Variants in MYO16 observed in about 807,000 individuals in gnomAD.
MYO16 encodes unconventional myosin-XVI.
In MYO16, 94 loss-of-function variants were observed where a neutral mutation model predicts 205.3. The observed-to-expected ratio is 0.46, with a 90% confidence interval of 0.39 to 0.54. MYO16 has a LOEUF of 0.54. MYO16 is among the 20% of genes least tolerant of loss of function. MYO16 has a pLI of 0.00. For missense variants in MYO16, 2,315 were observed against 2,387.5 expected (o/e 0.97, Z 0.63); for synonymous variants, 988 against 954.0 (o/e 1.04, Z -0.66).
At position 109,140,547 on chromosome 13, in the gene MYO16, T is replaced by C; in HGVS notation, c.4335T>C (p.Asp1445=). Residue 1445 remains aspartate (D), a synonymous_variant, in exon 32 of 35, where the codon GAT becomes GAC. Coordinates refer to ENST00000457511, the MANE Select transcript of MYO16 (RefSeq NM_001198950.3). The surrounding 1 kb of genome is among the most constrained non-coding windows in gnomAD (Gnocchi z 8.0). ...TGCTGGGGCACGCGGCCAGGCCCGATAGCCCGGACCCCGGGGAGTCCGTGT... is the reference window on the plus strand; with the variant it reads ...TGCTGGGGCACGCGGCCAGGCCCGACAGCCCGGACCCCGGGGAGTCCGTGT... The part of the protein sequence containing the change: ...IEMLGHAARP[D]SPDPGESVYE... 6.5e-7 allele frequency: 1 copy of C among 1,546,268 alleles called. No homozygotes were observed. Among genetic ancestry groups the C allele is most frequent in the East Asian group, 2.4e-5 (1 of 41,372 alleles).
At chr13:109,030,365 A>T (rs1182114988) in intron 23 of MYO16, among the ~76,000 whole-genome samples, 1 of 152,176 alleles carries the variant, frequency 6.6e-6, no homozygotes, top group African/African-American at 2.4e-5. Context: ...GCTGCAAATG[A>T]TCACTTATTT....
At chr13:108,945,949 C>G (rs1227897479) in intron 16 of MYO16, among the ~76,000 whole-genome samples, 1 of 152,066 alleles carries the variant, frequency 6.6e-6, no homozygotes, top group Admixed American at 6.5e-5. Flanking sequence ...AGCATGCTTC[C>G]CCCATGATAT....
chr13:108,755,945 G>A (rs1261455388), intron 4 of MYO16, among the ~76,000 whole-genome samples: 1 of 152,124 alleles, frequency 6.6e-6, no homozygotes, highest in Non-Finnish European at 1.5e-5. Context: ...ACATTTTGAA[G>A]TGCTTCCGTT....
At chr13:108,794,797 A>G (rs9301321) in intron 6 of MYO16, among the ~76,000 whole-genome samples, 67,994 of 151,852 alleles carry the variant, frequency 0.45, 15,418 homozygotes, top group Non-Finnish European at 0.48. Context: ...CTAGAATAGG[A>G]GAAGGGAATT....
intron 17 of MYO16, among the ~76,000 whole-genome samples, chr13:108,960,479 G>T (rs1384853909): frequency 1.3e-5 from 2 of 151,964 alleles, no homozygotes; most frequent in Non-Finnish European, 2.9e-5. Context: ...TCTTTTCAAT[G>T]CTCTCACTTT....
chr13:109,096,457 G>A (rs896995375), intron 27 of MYO16, among the ~76,000 whole-genome samples: 1 of 152,136 alleles, frequency 6.6e-6, no homozygotes, highest in African/African-American at 2.4e-5. Flanking sequence ...CTTTGGCGGG[G>A]GGACACAGTT....
intron 16 of MYO16, among the ~76,000 whole-genome samples, chr13:108,923,540 G>A (rs1284784819): frequency 6.6e-6 from 1 of 152,164 alleles, no homozygotes; most frequent in Non-Finnish European, 1.5e-5. Context: ...GAAAGGAGAG[G>A]GAACACCAGC....
rs550469198 is a variant in MYO16, at chr13:108,734,371, A to T, written c.507+6788A>T. 2.6e-5 allele frequency among the ~76,000 whole-genome samples: 4 copies of T among 152,282 alleles called. No homozygotes were observed. The East Asian group carries it at 5.8e-4, about 22-fold the overall frequency. ...TCCCTTCTTCTCTAGAAAAATTGAT[A>T]TCGCTTCCTCACAATTTCAGCAAGA... On this transcript the variant is annotated intron_variant, in intron 4 of 34. Transcript: ENST00000457511.
chr13:109,081,613 A>G (rs919587479), intron 27 of MYO16, among the ~76,000 whole-genome samples: 4 of 152,146 alleles, frequency 2.6e-5, no homozygotes, highest in African/African-American at 9.7e-5. Context: ...CCAAAAATGC[A>G]AAAGAGGAGC....
chr13:108,687,706 T>C (rs1314261737), intron 2 of MYO16, among the ~76,000 whole-genome samples: 1 of 152,230 alleles, frequency 6.6e-6, no homozygotes, highest in Non-Finnish European at 1.5e-5. Flanking sequence ...AATTCCAAAA[T>C]ACTGATTAGT....
chr13:109,150,657 A>G (rs1219347832), intron 32 of MYO16, among the ~76,000 whole-genome samples: 1 of 152,246 alleles, frequency 6.6e-6, no homozygotes, highest in African/African-American at 2.4e-5. Context: ...GGGATGCTCT[A>G]TAATGCACCG....
chr13:108,727,050 A>C (rs771015055), intron 3 of MYO16, among the ~76,000 whole-genome samples: 1 of 151,360 alleles, frequency 6.6e-6, no homozygotes, highest in Non-Finnish European at 1.5e-5. Flanking sequence ...TTTGACAGTG[A>C]CAAAGGATGC....
chr13:108,979,413 T>C (rs1884380802), intron 20 of MYO16, among the ~76,000 whole-genome samples: 1 of 152,052 alleles, frequency 6.6e-6, no homozygotes, highest in Non-Finnish European at 1.5e-5. Context: ...TTTATGTTCT[T>C]TCAGAGATAA....
At chr13:108,904,435 T>G (rs555220782) in intron 15 of MYO16, among the ~76,000 whole-genome samples, 17 of 152,248 alleles carry the variant, frequency 1.1e-4, no homozygotes, top group South Asian at 1.0e-3. Context: ...TATTTGAGAC[T>G]CGAGGTAATT....
At chr13:108,976,932 C>T (rs777297276) in intron 20 of MYO16, among the ~76,000 whole-genome samples, 6 of 152,138 alleles carry the variant, frequency 3.9e-5, no homozygotes, top group African/African-American at 7.2e-5. Flanking sequence ...TCATAAAAGA[C>T]GTAGATGATT....
At chr13:108,790,597 A>G (rs1886588138) in intron 5 of MYO16, among the ~76,000 whole-genome samples, 1 of 152,198 alleles carries the variant, frequency 6.6e-6, no homozygotes. Flanking sequence ...GGTTTTATCC[A>G]GGAGCATTAA....
intron 16 of MYO16, among the ~76,000 whole-genome samples, chr13:108,920,001 G>A (rs1170299187): frequency 6.6e-6 from 1 of 152,166 alleles, no homozygotes; most frequent in Non-Finnish European, 1.5e-5. Context: ...ACCTACCAAG[G>A]ATATAAACAC....
At chr13:108,838,509 A>G (rs1043651089) in intron 9 of MYO16, among the ~76,000 whole-genome samples, 2 of 149,970 alleles carry the variant, frequency 1.3e-5, no homozygotes, top group Non-Finnish European at 3.0e-5. Flanking sequence ...TAAAAATTAA[A>G]AAAAAAAAAA....
chr13:108,661,382 G>A (rs1467199644), intron 1 of MYO16, among the ~76,000 whole-genome samples: 1 of 151,956 alleles, frequency 6.6e-6, no homozygotes, highest in Non-Finnish European at 1.5e-5. Context: ...ATGTTTTCCA[G>A]TTTTTCAGAA....
Sources: gnomAD v4.1 joint callset for allele counts (sites outside exome capture counted in the v4.1 genomes callset) on GRCh38, gnomAD v4.1.1 for gene constraint, Gnocchi (gnomAD v3.1) non-coding constraint, MANE v1.5 for transcripts, NCBI Gene and HGNC (gene_info 2026-07-23, HGNC 2026-07-21) for gene names.